Variants in SLC22A16 observed in about 807,000 individuals in gnomAD.
SLC22A16 encodes the protein WUGSC:RG331P03.1.
In SLC22A16, 53 loss-of-function variants were observed where a neutral mutation model predicts 52.9. The observed-to-expected ratio is 1.00, with a 90% CI of 0.80 to 1.26. The LOEUF is 1.26. Ranked by LOEUF, SLC22A16 falls within the 50% of genes most tolerant of loss-of-function variation. SLC22A16 has a pLI of 0.00. For missense variants in SLC22A16, 726 were observed against 704.0 expected, an observed-to-expected ratio of 1.03 and a Z score of -0.35; for synonymous variants, 291 against 268.8, an observed-to-expected ratio of 1.08 and a Z score of -0.81.
intron 1 of SLC22A16, among the ~76,000 whole-genome samples, chr6:110,460,136 C>T (rs753700781): frequency 1.3e-5 from 2 of 152,282 alleles, no homozygotes; most frequent in African/African-American, 2.4e-5. Flanking sequence ...TGATCTCCAT[C>T]GCCCTTCTTC....
At chr6:110,442,859 G>A (rs1775033121) in intron 3 of SLC22A16, 84 bp from the exon 4 acceptor site, 8 of 1,249,620 alleles carry the variant, frequency 6.4e-6, no homozygotes, top group South Asian at 1.5e-5. Flanking sequence ...ATCACATATA[G>A]GCAAAAAAGA....
In SLC22A16 at chr6:110,442,436, G is replaced by C. The variant is rs916105839; in HGVS notation, c.991C>G (p.Gln331Glu). Residue 331 changes from glutamine (Q) to glutamate (E), a missense_variant, in exon 4 of 8, where the codon CAA becomes GAA. By Grantham distance (29) the Gln-to-Glu change is conservative. Coordinates refer to ENST00000368919, the MANE Select transcript of SLC22A16 (RefSeq NM_033125.4). Reference sequence around the variant, plus strand: ...GTGGGGCTATTACTAACAGGACCTTGTAGGTCCAGTGATAAAAGTTCTGAC... The same window carrying C: ...GTGGGGCTATTACTAACAGGACCTTCTAGGTCCAGTGATAAAAGTTCTGAC... ...KLSELLSLDLQGPVSNSPTEV... is the reference protein window; with the variant it reads ...KLSELLSLDLEGPVSNSPTEV... 6.2e-7 allele frequency: 1 copy of C among 1,613,980 alleles called. No individual in the cohort carries two copies. Among genetic ancestry groups the C allele is most frequent in the Non-Finnish European group, 8.5e-7 (1 of 1,179,824 alleles).
chr6:110,427,253 A>G (rs995903910), intron 7 of SLC22A16, among the ~76,000 whole-genome samples: 8 of 144,454 alleles, frequency 5.5e-5, no homozygotes, highest in South Asian at 2.2e-4. Context: ...ATCTCAAAAA[A>G]AAAAAAAAAA....
At chr6:110,440,520 G>A (rs1774923880) in intron 4 of SLC22A16, among the ~76,000 whole-genome samples, 1 of 152,206 alleles carries the variant, frequency 6.6e-6, no homozygotes. Flanking sequence ...GCTCATGCCT[G>A]TAATCCCAGC....
At chr6:110,459,509 G>A (rs1315665569) in intron 1 of SLC22A16, among the ~76,000 whole-genome samples, 1 of 152,108 alleles carries the variant, frequency 6.6e-6, no homozygotes, top group Non-Finnish European at 1.5e-5. Context: ...AGACTGCCAA[G>A]GTCACAAAAA....
chr6:110,468,645 CAA>C (rs769660816), intron 1 of SLC22A16, among the ~76,000 whole-genome samples: 2 of 86,878 alleles, frequency 2.3e-5, no homozygotes, highest in Non-Finnish European at 4.9e-5. Context: ...GGCTCTGTCT[CAA>C]AAAAAAAAAA....
chr6:110,457,263 T>A (rs1775699291), intron 1 of SLC22A16, among the ~76,000 whole-genome samples: 1 of 152,232 alleles, frequency 6.6e-6, no homozygotes, highest in Admixed American at 6.5e-5. Flanking sequence ...GCCCAGATCT[T>A]AGTTTCTAAA....
At position 110,446,857 on chromosome 6, in the gene SLC22A16, A is replaced by G. The variant is rs111388816; in HGVS notation, c.651+16T>C. 15 of 1,595,232 alleles carry G rather than the reference A, an allele frequency of 9.4e-6. No homozygotes were observed. The highest frequency in any genetic ancestry group is 4.1e-5 in the African/African-American group (3 of 73,602). ...AAAACTGCAGCAGAATTAAAGAAGT[A>G]AAAAACACAACTCACCATGGCAAGA... On this transcript the variant is annotated intron_variant, in intron 3 of 7. Coordinates refer to ENST00000368919, the MANE Select transcript of SLC22A16 (RefSeq NM_033125.4).
chr6:110,455,514 T>G (rs1207959163), intron 2 of SLC22A16: 1 of 152,200 alleles, frequency 6.6e-6, no homozygotes, highest in African/African-American at 2.4e-5. Context: ...AGGTCCTCAG[T>G]GCCCACCATA....
intron 2 of SLC22A16, among the ~76,000 whole-genome samples, chr6:110,447,961 A>G (rs143584906): frequency 6.4e-4 from 98 of 152,256 alleles, no homozygotes; most frequent in African/African-American, 2.2e-3. Context: ...CTGAACATTC[A>G]TGAACAAGAT....
intron 1 of SLC22A16, among the ~76,000 whole-genome samples, chr6:110,465,026 T>G (rs1374846278): frequency 6.7e-6 from 1 of 148,950 alleles, no homozygotes; most frequent in Non-Finnish European, 1.5e-5. Flanking sequence ...TAAACAAAAT[T>G]AAAAACAAAA....
intron 2 of SLC22A16, among the ~76,000 whole-genome samples, chr6:110,453,170 T>A (rs1344871987): frequency 2.0e-5 from 3 of 152,204 alleles, no homozygotes; most frequent in Non-Finnish European, 4.4e-5. Context: ...GTCCAGTTTT[T>A]ATCAATATTT....
In SLC22A16 at chr6:110,476,611, TC is replaced by T. The variant is rs769390789; in HGVS notation, c.-38del. 2.3e-4 allele frequency: 352 copies of T among 1,514,082 alleles called. 1 individual carries two copies. Among genetic ancestry groups the T allele is most frequent in the Admixed American group, 6.9e-4 (33 of 47,976 alleles). 93.8% of individuals were successfully genotyped at this position (1,514,082 alleles called of 1,614,324 possible). A position where few individuals can be genotyped will look rare whatever the true frequency, so the allele number is the denominator to read the frequency against. On this transcript the variant is annotated 5_prime_UTR_variant, in exon 1 of 8. Transcript: ENST00000368919. The stretch of plus-strand genomic sequence containing the variant: ...GCACTGGGCGCCGAGTTAGCCGAGC[TC>T]CGGGGACTGCGGGTAGCGCGCCCCG...
intron 4 of SLC22A16, 122 bp from the exon 5 acceptor site, chr6:110,438,969 A>G (rs1313149508): frequency 8.0e-6 from 10 of 1,243,592 alleles, no homozygotes; most frequent in Non-Finnish European, 1.1e-5. Context: ...GGGCCTTTAG[A>G]AACTCTCTAA....
chr6:110,467,795 T>C (rs566970406), intron 1 of SLC22A16, among the ~76,000 whole-genome samples: 45 of 152,364 alleles, frequency 3.0e-4, no homozygotes, highest in South Asian at 1.4e-3. Flanking sequence ...TATTGAAATA[T>C]AAACTTCTAT....
chr6:110,446,808 G>T, intron 3 of SLC22A16, 65 bp downstream of exon 3: 3 of 1,396,088 alleles, frequency 2.1e-6, no homozygotes, highest in South Asian at 2.6e-5. Context: ...TGAGCAAAAT[G>T]ATGAGAGTTA....
chr6:110,453,981 G>A (rs572561171), intron 2 of SLC22A16, among the ~76,000 whole-genome samples: 12 of 152,214 alleles, frequency 7.9e-5, no homozygotes, highest in South Asian at 2.1e-4. Context: ...CAATTCCTGC[G>A]AGAATTAATC....
intron 7 of SLC22A16, among the ~76,000 whole-genome samples, chr6:110,425,574 G>T (rs937837509): frequency 6.6e-6 from 1 of 152,166 alleles, no homozygotes; most frequent in Non-Finnish European, 1.5e-5. Flanking sequence ...ATGAAAACAG[G>T]TTTCAATCAA....
At position 110,431,343 on chromosome 6, in the gene SLC22A16, A is replaced by C. The variant is rs9487405; in HGVS notation, c.1422-73T>G. ...AGGGATTGAGGGACCTGCTTCCTGC[A>C]GCTCCTTTCCCACGCTCCCCAGCAA... On this transcript the variant is annotated intron_variant, in intron 6 of 7. Transcript: ENST00000368919. 11,910 of 1,310,508 alleles carry C rather than the reference A, an allele frequency of 9.1e-3. 766 individuals carry two copies. The African/African-American group carries it at 0.15, about 16-fold the overall frequency. The allele number at this position is 1,310,508 out of a possible 1,614,324, so 81.2% of individuals were successfully genotyped here. A position where few individuals can be genotyped will look rare whatever the true frequency, so the allele number is the denominator to read the frequency against.
Sources: allele counts gnomAD v4.1 joint callset (sites outside exome capture counted in the v4.1 genomes callset), GRCh38; gene constraint gnomAD v4.1.1; transcripts MANE v1.5; gene names NCBI Gene and HGNC (gene_info 2026-07-23, HGNC 2026-07-21).